The following WDFY4 variants were observed in gnomAD, a reference collection of about 807,000 sequenced individuals.
WDFY4 encodes WDFY family member 4, also known as WD repeat- and FYVE domain-containing protein 4.
In WDFY4, 169 loss-of-function variants were observed where a neutral mutation model predicts 351.9. That is an observed-to-expected ratio of 0.48 (90% CI 0.42 to 0.55). The LOEUF (loss-of-function observed/expected upper bound fraction) is 0.55, where lower values mean the gene tolerates loss of function less well. Ranked by LOEUF, WDFY4 falls within the 20% of genes least tolerant of loss-of-function variation. The pLI, the probability that WDFY4 is intolerant of heterozygous loss-of-function variation, is 0.00. For synonymous variants in WDFY4, 1,622 were observed against 1,574.6 expected (o/e 1.03, Z -0.71); for missense variants, 3,803 against 3,935.6 (o/e 0.97, Z 0.90).
intron 12 of WDFY4, 148 bp from the exon 13 acceptor site, chr10:48,760,199 G>T (rs1431842626): frequency 3.0e-6 from 2 of 664,008 alleles, no homozygotes; most frequent in East Asian, 5.5e-5. Flanking sequence ...AGGAAATTAG[G>T]CTCGATGGAG....
At chr10:48,764,828 C>T (rs142357317) in intron 13 of WDFY4, among the ~76,000 whole-genome samples, 47 of 152,298 alleles carry the variant, frequency 3.1e-4, no homozygotes, top group African/African-American at 1.1e-3. Context: ...GGATGGGAGG[C>T]AGGGAAGTGT....
intron 39 of WDFY4, among the ~76,000 whole-genome samples, chr10:48,856,791 T>A (rs938092944): frequency 1.3e-5 from 2 of 152,166 alleles, no homozygotes; most frequent in Non-Finnish European, 2.9e-5. Flanking sequence ...GTTCCCTGAG[T>A]TATGGAGTTC....
intron 12 of WDFY4, among the ~76,000 whole-genome samples, chr10:48,747,589 C>T (rs2065053024): frequency 6.6e-6 from 1 of 152,144 alleles, no homozygotes; most frequent in Admixed American, 6.5e-5. Context: ...CTTTCTTAAA[C>T]CCACTGAATC....
At position 48,772,732 on chromosome 10, in the gene WDFY4, T is replaced by C. The variant is rs1483308971; in HGVS notation, c.2554-1726T>C. On this transcript the variant is annotated intron_variant, in intron 13 of 61. Coordinates refer to ENST00000325239, the MANE Select transcript of WDFY4 (RefSeq NM_001394531.1). ...CCACCACAGTCCCCAGAGTGTGCTA[T>C]TCCCCTTCCTGTGTCCATGTGATCT... Among the ~76,000 whole-genome samples the C allele has an allele frequency of 6.1e-5, 9 of 148,118 alleles. 1 individual carries two copies. In the South Asian group the frequency reaches 8.7e-4, roughly 14 times the overall value.
rs1589461717 is a variant in WDFY4 at position 48,725,893 on chromosome 10, A to G, written c.604A>G (p.Ile202Val). The change falls in exon 6 of 62, where the codon ATT becomes GTT. Residue 202 changes from isoleucine (I) to valine (V), a missense_variant. Ile to Val is a conservative substitution (Grantham distance 29). This residue lies in a region of WDFY4 where 488 missense variants were observed against 456.8 expected (regional missense o/e 1.07). Coordinates refer to ENST00000325239, the MANE Select transcript of WDFY4 (RefSeq NM_001394531.1). The part of the protein sequence containing the change: ...QKMFVQMLLN[I>V]CSDSQGLEGL... ...TCTTATTTTTCAGATGTTGCTCAATATTTGCAGTGACTCTCAGGGCCTGGA... is the reference window on the plus strand; with the variant it reads ...TCTTATTTTTCAGATGTTGCTCAATGTTTGCAGTGACTCTCAGGGCCTGGA... The G allele has an allele frequency of 1.3e-6, 2 of 1,544,552 alleles. No individual in the cohort carries two copies. Among genetic ancestry groups the G allele is most frequent in the Non-Finnish European group, 8.8e-7 (1 of 1,141,240 alleles).
intron 40 of WDFY4, among the ~76,000 whole-genome samples, chr10:48,870,366 A>C (rs1161592686): frequency 6.6e-6 from 1 of 152,034 alleles, no homozygotes; most frequent in Non-Finnish European, 1.5e-5. Context: ...CGAGACCCCA[A>C]CTCAAAAAAA....
At chr10:48,772,995 C>T (rs561772365) in intron 13 of WDFY4, among the ~76,000 whole-genome samples, 7 of 151,778 alleles carry the variant, frequency 4.6e-5, no homozygotes, top group East Asian at 3.9e-4. Context: ...TGAATAATGC[C>T]GCAATAAACA....
At chr10:48,971,571 TTTTCACTGAAACATG>T (rs1317917040) in intron 57 of WDFY4, among the ~76,000 whole-genome samples, 34 of 152,014 alleles carry the variant, frequency 2.2e-4, no homozygotes, top group African/African-American at 4.3e-4. Flanking sequence ...CTCTGGATAA[TTTTCACTGAAACATG>T]TTTCACTGAA....
At chr10:48,914,033 G>A (rs1838265274) in intron 47 of WDFY4, 2 of 1,614,198 alleles carry the variant, frequency 1.2e-6, no homozygotes, top group East Asian at 4.5e-5. Flanking sequence ...ACTTGGGGAA[G>A]GTGGTAATTC....
intron 30 of WDFY4, 76 bp downstream of exon 30, chr10:48,811,784 C>G (rs1393646354): frequency 6.3e-6 from 9 of 1,425,156 alleles, no homozygotes; most frequent in Non-Finnish European, 8.6e-6. Context: ...TCGCCAAGAC[C>G]CTCTGCACTT....
intron 35 of WDFY4, chr10:48,824,016 G>A: frequency 1.0e-6 from 1 of 985,462 alleles, no homozygotes; most frequent in Non-Finnish European, 1.2e-6. Context: ...GAAAAACTTT[G>A]TGCATACTCT....
intron 47 of WDFY4, among the ~76,000 whole-genome samples, chr10:48,928,885 T>C (rs1013451139): frequency 1.3e-5 from 2 of 152,204 alleles, no homozygotes; most frequent in Non-Finnish European, 2.9e-5. Context: ...ATCAACAGTA[T>C]TTGTTGAAAA....
chr10:48,884,496 G>A (rs1274204110), intron 43 of WDFY4, among the ~76,000 whole-genome samples: 1 of 151,834 alleles, frequency 6.6e-6, no homozygotes, highest in East Asian at 1.9e-4. Context: ...ACACATGCAT[G>A]CACAGACACA....
At chr10:48,835,465 T>A (rs1191732084) in intron 39 of WDFY4, among the ~76,000 whole-genome samples, 1 of 152,194 alleles carries the variant, frequency 6.6e-6, no homozygotes, top group African/African-American at 2.4e-5. Context: ...CAAAGGCCAG[T>A]GTGGCTGAAC....
chr10:48,746,589 G>T (rs2065021823), intron 12 of WDFY4, among the ~76,000 whole-genome samples: 1 of 151,804 alleles, frequency 6.6e-6, no homozygotes, highest in Admixed American at 6.6e-5. Flanking sequence ...TATTTGGAAT[G>T]ATTTCTACTT....
chr10:48,978,418 C>A (rs1310032432), intron 60 of WDFY4, 25 bp downstream of exon 60: 3 of 1,538,626 alleles, frequency 1.9e-6, no homozygotes, highest in Non-Finnish European at 1.8e-6. Flanking sequence ...AGGGATGTGG[C>A]CGTCCTGGCC....
At chr10:48,931,007 T>C (rs1839965357) in intron 47 of WDFY4, among the ~76,000 whole-genome samples, 1 of 152,070 alleles carries the variant, frequency 6.6e-6, no homozygotes, top group African/African-American at 2.4e-5. Context: ...TATGTCTACA[T>C]AGTTTTTAAA....
At chr10:48,691,917 TG>T (rs142398665) in intron 1 of WDFY4, among the ~76,000 whole-genome samples, 2,163 of 152,254 alleles carry the variant, frequency 0.014, 55 homozygotes, top group African/African-American at 0.05. Flanking sequence ...GGCTGCAGGG[TG>T]GCAGATGCTA....
rs1360898398 is a variant in WDFY4, at chr10:48,981,400, G to T, written c.9410G>T (p.Arg3137Leu). ...HKWEKNLALS[R>L]ELDVSIALTG... The stretch of plus-strand genomic sequence containing the variant: ...TGGGAGAAGAACCTGGCCTTGAGTC[G>T]AGAGCTGGACGTTAGCATTGCTTTG... The change falls in exon 61 of 62, where the codon CGA becomes CTA. Residue 3137 changes from arginine (R) to leucine (L), a missense_variant. Transcript: ENST00000325239. 6.4e-7 allele frequency: 1 copy of T among 1,551,772 alleles called. No individual in the cohort carries two copies.
Sources: allele counts gnomAD v4.1 joint callset (sites outside exome capture counted in the v4.1 genomes callset), GRCh38; gene constraint gnomAD v4.1.1; regional missense constraint gnomAD v4.1.1; transcripts MANE v1.5; gene names NCBI Gene and HGNC (gene_info 2026-07-23, HGNC 2026-07-21).